Variants in SULT2B1 observed in about 807,000 individuals in gnomAD.
SULT2B1 encodes sulfotransferase family 2B member 1, also known as sulfotransferase 2B1.
SULT2B1 carries 16 observed loss-of-function variants against 33.2 expected under a neutral mutation model. That is an observed-to-expected ratio of 0.48 (90% CI 0.33 to 0.73). The LOEUF is 0.73. SULT2B1 is among the 30% of genes least tolerant of loss of function. SULT2B1 has a pLI of 0.02. For synonymous variants in SULT2B1, 186 were observed against 200.5 expected (o/e 0.93, Z 0.61); for missense variants, 500 against 506.0 (o/e 0.99, Z 0.11).
chr19:48,553,684 C>T (rs1973056879), intron 1 of SULT2B1, among the ~76,000 whole-genome samples: 1 of 152,118 alleles, frequency 6.6e-6, no homozygotes, highest in South Asian at 2.1e-4. Context: ...ATGAAGAGGC[C>T]TTCCTGGGTG....
intron 1 of SULT2B1, among the ~76,000 whole-genome samples, chr19:48,553,768 G>C (rs1973057596): frequency 6.6e-6 from 1 of 152,158 alleles, no homozygotes; most frequent in South Asian, 2.1e-4. Context: ...GATGTCTCTG[G>C]GCCTCCTGGG....
At chr19:48,572,090 C>T (rs1350431286) in intron 1 of SULT2B1, among the ~76,000 whole-genome samples, 1 of 152,126 alleles carries the variant, frequency 6.6e-6, no homozygotes. Context: ...GTACGGGTGG[C>T]TCCCCTCCTG....
chr19:48,581,475 T>TTTTTTG (rs1973486856), intron 2 of SULT2B1, among the ~76,000 whole-genome samples: 1 of 145,276 alleles, frequency 6.9e-6, no homozygotes, highest in African/African-American at 2.6e-5. Flanking sequence ...TTTGAGAGTT[T>TTTTTTG]TTTTTTTTTT....
intron 6 of SULT2B1, among the ~76,000 whole-genome samples, chr19:48,598,528 G>A (rs1568415856): frequency 6.6e-6 from 1 of 151,982 alleles, no homozygotes; most frequent in Non-Finnish European, 1.5e-5. Context: ...AGGTTGCAGT[G>A]AGCCGTGATC....
intron 2 of SULT2B1, among the ~76,000 whole-genome samples, chr19:48,583,588 C>T (rs1481807584): frequency 3.9e-5 from 6 of 152,216 alleles, no homozygotes; most frequent in Non-Finnish European, 5.9e-5. Flanking sequence ...GAGGCCGAGG[C>T]GGGCGGATCA....
At chr19:48,560,944 A>G (rs1332808199) in intron 1 of SULT2B1, among the ~76,000 whole-genome samples, 1 of 151,858 alleles carries the variant, frequency 6.6e-6, no homozygotes, top group East Asian at 1.9e-4. Context: ...CCTGGGCAAC[A>G]AGAGCAAAAC....
At chr19:48,570,552 G>A (rs140334376) in intron 1 of SULT2B1, among the ~76,000 whole-genome samples, 5 of 152,206 alleles carry the variant, frequency 3.3e-5, no homozygotes, top group African/African-American at 4.8e-5. Flanking sequence ...ATGCAAGGAC[G>A]TTTGAGCTGT....
At chr19:48,563,679 T>C (rs12462087) in intron 1 of SULT2B1, among the ~76,000 whole-genome samples, 55,161 of 151,808 alleles carry the variant, frequency 0.36, 10,418 homozygotes, top group East Asian at 0.45. Context: ...AGATGCAGGC[T>C]GGGGCGCAGG....
chr19:48,577,352 CTTTTTTTTT>C (rs1209521675), intron 2 of SULT2B1, among the ~76,000 whole-genome samples: 29 of 30,642 alleles, frequency 9.5e-4, no homozygotes, highest in African/African-American at 2.0e-3. Context: ...ACTGAGCCGT[CTTTTTTTTT>C]TTTTTTTTTT....
chr19:48,583,949 T>C (rs989124111), intron 2 of SULT2B1, among the ~76,000 whole-genome samples: 1 of 152,000 alleles, frequency 6.6e-6, no homozygotes, highest in Non-Finnish European at 1.5e-5. Flanking sequence ...CTGTCTCTAC[T>C]AAAAATACAA....
At chr19:48,569,792 G>C (rs147820346) in intron 1 of SULT2B1, among the ~76,000 whole-genome samples, 4,952 of 150,674 alleles carry the variant, frequency 0.033, 262 homozygotes, top group African/African-American at 0.12. Context: ...TCAGGCTCCT[G>C]AGTAGCTGGG....
Position 48,599,166 on chromosome 19 carries a change from G to C in SULT2B1, c.858G>C (p.Thr286=), listed in dbSNP as rs200065856. 3.5e-5 allele frequency: 56 copies of C among 1,594,892 alleles called. No individual in the cohort carries two copies. Among genetic ancestry groups the C allele is most frequent in the Non-Finnish European group, 4.7e-5 (55 of 1,174,060 alleles). Residue 286 remains threonine, a synonymous_variant, in exon 7 of 7, where the codon ACG becomes ACC. Coordinates refer to ENST00000201586, the MANE Select transcript of SULT2B1 (RefSeq NM_177973.2). This position sits in a 1 kb window ranked among gnomAD's most constrained non-coding sequence, Gnocchi z 4.1. ...GVCGDWKNHF[T]VAQSEAFDRA... ...GCGGCGACTGGAAGAACCACTTCAC[G>C]GTGGCCCAGAGCGAAGCCTTCGATC...
At chr19:48,581,582 C>A (rs2544787) in intron 2 of SULT2B1, among the ~76,000 whole-genome samples, 3 of 149,662 alleles carry the variant, frequency 2.0e-5, no homozygotes, top group African/African-American at 4.9e-5. Context: ...CTCAGCCTCC[C>A]GAGTAGCTGG....
intron 3 of SULT2B1, among the ~76,000 whole-genome samples, chr19:48,588,426 C>T (rs531956657): frequency 2.3e-4 from 35 of 150,104 alleles, no homozygotes; most frequent in South Asian, 1.1e-3. Context: ...GCAGGAGAAT[C>T]GCTTGAACCC....
At chr19:48,583,946 T>C (rs1455593807) in intron 2 of SULT2B1, among the ~76,000 whole-genome samples, 1 of 152,114 alleles carries the variant, frequency 6.6e-6, no homozygotes, top group Non-Finnish European at 1.5e-5. Context: ...ACCCTGTCTC[T>C]ACTAAAAATA....
At chr19:48,584,135 A>G (rs1973532581) in intron 2 of SULT2B1, among the ~76,000 whole-genome samples, 1 of 152,210 alleles carries the variant, frequency 6.6e-6, no homozygotes, top group Admixed American at 6.5e-5. Context: ...CACCACACAC[A>G]GGAATAGCTA....
At chr19:48,581,207 A>T (rs1973482035) in intron 2 of SULT2B1, among the ~76,000 whole-genome samples, 3 of 136,256 alleles carry the variant, frequency 2.2e-5, no homozygotes, top group Non-Finnish European at 3.1e-5. Context: ...TGGTTTTTGC[A>T]TTTTTTTTTT....
chr19:48,579,601 C>T (rs1183471407), intron 2 of SULT2B1, among the ~76,000 whole-genome samples: 1 of 57,960 alleles, frequency 1.7e-5, no homozygotes, highest in African/African-American at 7.6e-5. Context: ...TCTTTTCTTT[C>T]TTTCTTTTTT....
intron 5 of SULT2B1, among the ~76,000 whole-genome samples, chr19:48,593,950 T>C (rs1973678066): frequency 6.6e-6 from 1 of 151,762 alleles, no homozygotes; most frequent in Admixed American, 6.6e-5. Flanking sequence ...CCCCGCCAAC[T>C]AGTTTTTATT....
Sources: allele counts gnomAD v4.1 joint callset (sites outside exome capture counted in the v4.1 genomes callset), GRCh38; gene constraint gnomAD v4.1.1; non-coding constraint Gnocchi (gnomAD v3.1); transcripts MANE v1.5; gene names NCBI Gene and HGNC (gene_info 2026-07-23, HGNC 2026-07-21).